Variants in RPL15 observed in about 807,000 individuals in gnomAD.
RPL15 encodes ribosomal protein L15.
For synonymous variants in RPL15, 97 were observed against 95.1 expected, an observed-to-expected ratio of 1.02 and a Z score of -0.12; for missense variants, 161 against 271.8, an observed-to-expected ratio of 0.59 and a Z score of 2.87.
chr3:23,920,578 AAAG>A lies in RPL15; in HGVS notation c.*1080_*1082del, dbSNP rs1284533494. The A allele has an allele frequency of 1.0e-6, 1 of 985,214 alleles. No homozygotes were observed. Among genetic ancestry groups the A allele is most frequent in the Non-Finnish European group, 1.2e-6 (1 of 829,848 alleles). The allele number at this position is 985,214 out of a possible 1,614,324, so 61.0% of individuals were successfully genotyped here. On this transcript the variant is annotated 3_prime_UTR_variant, in exon 4 of 4. Coordinates refer to ENST00000307839, the MANE Select transcript of RPL15 (RefSeq NM_002948.5). ...TGTTGTCCAGGGTCAATTTGAGTGT[AAAG>A]AAAATGTAGACAAGGAATTGCCCAA...
At chr3:23,921,899 G>T (rs185126261), downstream of RPL15, 23 of 409,070 alleles carry the variant, frequency 5.6e-5, no homozygotes, top group East Asian at 6.2e-4. Context: ...TGTACAGACA[G>T]GATCTCACTA....
At chr3:23,921,570 G>GTTGTTTTT, downstream of RPL15, 8 of 508,314 alleles carry the variant, frequency 1.6e-5, no homozygotes, top group Admixed American at 3.1e-5. Flanking sequence ...TGATTATTGA[G>GTTGTTTTT]TTTTTTTTTT....
rs56222205 is a variant in RPL15 at position 23,917,766 on chromosome 3, T to C, written c.-10-84T>C. 26,948 of 1,379,922 alleles carry C rather than the reference T, an allele frequency of 0.02. 358 individuals are homozygous for C. The highest frequency in any genetic ancestry group is 0.029 in the Middle Eastern group (109 of 3,732). The allele number at this position is 1,379,922 out of a possible 1,614,324, so 85.5% of individuals were successfully genotyped here. A position where few individuals can be genotyped will look rare whatever the true frequency, so the allele number is the denominator to read the frequency against. ...TTCATTCCCGGCGGTTTCCTTGTTT[T>C]TGTTGGGGAACTAAGATGGACGGAT... On this transcript the variant is annotated intron_variant, in intron 1 of 3. Transcript: ENST00000307839.
downstream of RPL15, chr3:23,922,817 T>C (rs1375228117): frequency 1.3e-5 from 2 of 152,254 alleles, no homozygotes; most frequent in Non-Finnish European, 2.9e-5. The surrounding 1 kb of genome is among the most constrained non-coding windows in gnomAD (Gnocchi z 4.2). Flanking sequence ...ACAATATTTT[T>C]TTATTTTGAG....
At chr3:23,917,618 C>G (rs970882400) in intron 1 of RPL15, 1 of 464,302 alleles carries the variant, frequency 2.2e-6, no homozygotes, top group African/African-American at 2.0e-5. Context: ...TCTGTTAATT[C>G]GCCCCACCAA....
At chr3:23,921,501 C>T, downstream of RPL15, 1 of 667,404 alleles carries the variant, frequency 1.5e-6, no homozygotes, top group Admixed American at 2.3e-5. Context: ...GACCGCCCCA[C>T]AAGCTGTTCC....
rs547148858 is a variant in RPL15, at chr3:23,919,674, T to A, written c.*173T>A. 2.4e-3 allele frequency: 3,406 copies of A among 1,399,644 alleles called. 8 individuals carry two copies. Among genetic ancestry groups the A allele is most frequent in the Admixed American group, 3.2e-3 (103 of 32,694 alleles). The allele number at this position is 1,399,644 out of a possible 1,614,324, so 86.7% of individuals were successfully genotyped here. A position where few individuals can be genotyped will look rare whatever the true frequency, so the allele number is the denominator to read the frequency against. ...GAAGACAATAAGTGGTGGTGTATCT[T>A]GTTTCTAATAAGATAAACTTTTTTG... is the stretch of plus-strand genomic sequence containing the variant. On this transcript the variant is annotated 3_prime_UTR_variant, in exon 4 of 4. Transcript: ENST00000307839.
chr3:23,916,736 A>AGACGCGGG (rs1704549507), upstream of RPL15: 1 of 152,634 alleles, frequency 6.6e-6, no homozygotes, highest in African/African-American at 2.4e-5. Flanking sequence ...GGAGACGCGG[A>AGACGCGGG]GACGCAGAGA....
At position 23,919,891 on chromosome 3, in the gene RPL15, G is replaced by GT. The variant is rs367621594; in HGVS notation, c.*398dup. 631 of 993,570 alleles carry GT rather than the reference G, an allele frequency of 6.4e-4. 2 individuals carry two copies. In the African/African-American group the frequency reaches 9.2e-3, roughly 14 times the overall value. 61.5% of individuals were successfully genotyped at this position (993,570 alleles called of 1,614,324 possible). The stretch of plus-strand genomic sequence containing the variant: ...TGCTGGTTTATTTTCAAGTGGCTGC[G>GT]TTTTTTTTAGTTTGGCAGGTGTAGA... On this transcript the variant is annotated 3_prime_UTR_variant, in exon 4 of 4. Transcript: ENST00000307839.
At chr3:23,921,285 A>T (rs1705066831), downstream of RPL15, among the ~76,000 whole-genome samples, 1 of 152,166 alleles carries the variant, frequency 6.6e-6, no homozygotes, top group African/African-American at 2.4e-5. Context: ...TATTAAATTG[A>T]TCATGGCACT....
Position 23,919,657 on chromosome 3 carries a change from T to A in RPL15, c.*156T>A. 1 of 1,415,028 alleles carries A rather than the reference T, an allele frequency of 7.1e-7. No homozygotes were observed. The highest frequency in any genetic ancestry group is 2.5e-5 in the East Asian group (1 of 39,752). 87.7% of individuals were successfully genotyped at this position (1,415,028 alleles called of 1,614,324 possible). A position where few individuals can be genotyped will look rare whatever the true frequency, so the allele number is the denominator to read the frequency against. On this transcript the variant is annotated 3_prime_UTR_variant, in exon 4 of 4. Transcript: ENST00000307839. ...AAAGTGCAATAATGTTTGAAGACAA[T>A]AAGTGGTGGTGTATCTTGTTTCTAA...
intron 1 of RPL15, 35 bp from the exon 2 acceptor site, chr3:23,917,815 G>A: frequency 2.6e-6 from 4 of 1,564,902 alleles, no homozygotes; most frequent in South Asian, 1.2e-5. Flanking sequence ...TGTACTTAAA[G>A]CGGATGATAT....
rs1013916803 is a variant in RPL15, at chr3:23,917,192, C to A, written c.-11+19C>A. The A allele has an allele frequency of 6.5e-6, 1 of 152,788 alleles. No homozygotes were observed. The highest frequency in any genetic ancestry group is 1.5e-5 in the Non-Finnish European group (1 of 68,430). The allele number at this position is 152,788 out of a possible 1,614,324, so 9.5% of individuals were successfully genotyped here. A position where few individuals can be genotyped will look rare whatever the true frequency, so the allele number is the denominator to read the frequency against. ...CCATCAGGTAGGCTGCGTTGAGGAT[C>A]TTTGCTCTTCCATCCGCCTTTGATC... On this transcript the variant is annotated intron_variant, in intron 1 of 3. Coordinates refer to ENST00000307839, the MANE Select transcript of RPL15 (RefSeq NM_002948.5).
chr3:23,918,183 C>G, intron 2 of RPL15, 152 bp downstream of exon 2: 1 of 1,054,866 alleles, frequency 9.5e-7, no homozygotes, highest in Admixed American at 2.9e-5. Context: ...ACTGTATGCA[C>G]TGTTGTCTAA....
chr3:23,921,466 A>G (rs866399220), downstream of RPL15: 1 of 623,628 alleles, frequency 1.6e-6, no homozygotes, highest in East Asian at 2.7e-5. Context: ...TCCAATATTA[A>G]GGGTCACTTT....
rs1451306250 is a variant in RPL15 at position 23,919,149 on chromosome 3, T to C, written c.310-47T>C. On this transcript the variant is annotated intron_variant, in intron 3 of 3. Coordinates refer to ENST00000307839, the MANE Select transcript of RPL15 (RefSeq NM_002948.5). ...ATTAAAATTCTTTCTGACTTGCTGC[T>C]ATAGGCAATGTGGGAGATTGACCTT... 6.8e-6 allele frequency: 9 copies of C among 1,327,774 alleles called. 1 individual carries two copies. In the South Asian group the frequency reaches 9.5e-5, roughly 14 times the overall value. 82.2% of individuals were successfully genotyped at this position (1,327,774 alleles called of 1,614,324 possible). A position where few individuals can be genotyped will look rare whatever the true frequency, so the allele number is the denominator to read the frequency against.
downstream of RPL15, chr3:23,921,449 G>A: frequency 1.6e-6 from 1 of 610,176 alleles, no homozygotes; most frequent in Admixed American, 2.9e-5. Context: ...TGATGGGAAA[G>A]CTTTACTCCA....
chr3:23,919,171 C>T, intron 3 of RPL15, 25 bp from the exon 4 acceptor site: 1 of 1,544,680 alleles, frequency 6.5e-7, no homozygotes, highest in African/African-American at 1.4e-5. Context: ...GGGAGATTGA[C>T]CTTGGGCCTT....
rs1325011322 is a variant in RPL15 at position 23,917,164 on chromosome 3, C to G, written c.-20C>G. On this transcript the variant is annotated 5_prime_UTR_variant, in exon 1 of 4. Coordinates refer to ENST00000307839, the MANE Select transcript of RPL15 (RefSeq NM_002948.5). ...CAGCTCTTTCCTTTCCGTCTGGCGG[C>G]AGCCATCAGGTAGGCTGCGTTGAGG... is the stretch of plus-strand genomic sequence containing the variant. The G allele has an allele frequency of 2.6e-5, 4 of 153,026 alleles. No individual in the cohort carries two copies. Among genetic ancestry groups the G allele is most frequent in the African/African-American group, 9.6e-5 (4 of 41,496 alleles). 9.5% of individuals were successfully genotyped at this position (153,026 alleles called of 1,614,324 possible).
Sources: allele counts gnomAD v4.1 joint callset (sites outside exome capture counted in the v4.1 genomes callset), GRCh38; gene constraint gnomAD v4.1.1; non-coding constraint Gnocchi (gnomAD v3.1); transcripts MANE v1.5; gene names NCBI Gene and HGNC (gene_info 2026-07-23, HGNC 2026-07-21).